The following CDYL variants were observed in gnomAD, a reference collection of about 807,000 sequenced individuals.
The protein encoded by CDYL is chromodomain Y like, also known as chromodomain Y-like protein.
Under a neutral mutation model 47.3 loss-of-function variants are expected in CDYL, and 8 were observed. The ratio of observed to expected loss-of-function variants is 0.17; its 90% CI spans 0.10 to 0.31. The LOEUF is 0.31. Among genes scored for constraint, CDYL ranks in the 10% least tolerant of loss-of-function variants. The pLI is 1.00. For missense variants in CDYL, 471 were observed against 701.4 expected (o/e 0.67, Z 3.71); for synonymous variants, 266 against 265.0 (o/e 1.00, Z -0.04).
rs1758797790 is a variant in CDYL, at chr6:4,954,123, C to T, written c.*67C>T. On this transcript the variant is annotated 3_prime_UTR_variant, in exon 7 of 7. Coordinates refer to ENST00000397588, the MANE Select transcript of CDYL (RefSeq NM_004824.4). ...AGGAGAACATCACCGGCTCCAGTTC[C>T]CCTGATCCATTCTCACAGCCTGAAA... is the stretch of plus-strand genomic sequence containing the variant. 6 of 1,518,216 alleles carry T rather than the reference C, an allele frequency of 4.0e-6. No homozygotes were observed. In the African/African-American group the frequency reaches 6.9e-5, roughly 17 times the overall value. The allele number at this position is 1,518,216 out of a possible 1,614,324, so 94.0% of individuals were successfully genotyped here.
chr6:4,716,289 G>C (rs900610039), intron 2 of CDYL, among the ~76,000 whole-genome samples: 57 of 150,820 alleles, frequency 3.8e-4, no homozygotes, highest in African/African-American at 6.8e-4. Context: ...GTCAGAAATT[G>C]TTCAACATAA....
Position 4,954,942 on chromosome 6 carries a change from A to G in CDYL, c.*886A>G. ...CAGTTTTGGTTTTCTGTTTGCAGAT[A>G]TGATTGATGTATTTCACCAAAATAA... On this transcript the variant is annotated 3_prime_UTR_variant, in exon 7 of 7. Transcript: ENST00000397588. 1 of 152,258 alleles carries G rather than the reference A, an allele frequency of 6.6e-6. No individual in the cohort carries two copies. Among genetic ancestry groups the G allele is most frequent in the East Asian group, 1.9e-4 (1 of 5,206 alleles). The allele number at this position is 152,258 out of a possible 1,614,324, so 9.4% of individuals were successfully genotyped here. A position where few individuals can be genotyped will look rare whatever the true frequency, so the allele number is the denominator to read the frequency against.
intron 1 of CDYL, among the ~76,000 whole-genome samples, chr6:4,837,309 AT>A (rs904678346): frequency 1.1e-4 from 16 of 152,030 alleles, no homozygotes; most frequent in Admixed American, 3.9e-4. Flanking sequence ...ATCTTTTGGA[AT>A]TTTTTTTGAC....
At chr6:4,936,007 C>A (rs916422054) in intron 3 of CDYL, among the ~76,000 whole-genome samples, 1 of 152,200 alleles carries the variant, frequency 6.6e-6, no homozygotes, top group Non-Finnish European at 1.5e-5. Flanking sequence ...TCCCCATTCT[C>A]CCGGGTGTGG....
At chr6:4,763,812 G>A (rs112909994) in intron 3 of CDYL, among the ~76,000 whole-genome samples, 6 of 152,056 alleles carry the variant, frequency 3.9e-5, no homozygotes, top group Non-Finnish European at 7.4e-5. Flanking sequence ...GCATGGTGGC[G>A]TGTGCCTATA....
At chr6:4,773,687 C>T (rs745835552), upstream of CDYL, among the ~76,000 whole-genome samples, 3 of 152,154 alleles carry the variant, frequency 2.0e-5, no homozygotes, top group Non-Finnish European at 4.4e-5. The surrounding 1 kb of genome is among the most constrained non-coding windows in gnomAD (Gnocchi z 4.6). Flanking sequence ...TTCTCAGTCG[C>T]TAGGTGGATA....
At chr6:4,807,887 A>G (rs1759417803) in intron 1 of CDYL, among the ~76,000 whole-genome samples, 1 of 152,002 alleles carries the variant, frequency 6.6e-6, no homozygotes, top group African/African-American at 2.4e-5. Context: ...GATTACAGGC[A>G]TGAGCCACCG....
At chr6:4,754,347 G>A (rs1019558033) in intron 3 of CDYL, among the ~76,000 whole-genome samples, 4 of 152,246 alleles carry the variant, frequency 2.6e-5, no homozygotes, top group African/African-American at 4.8e-5. Context: ...GAAGTTGGCC[G>A]ATTTTCATTT....
intron 5 of CDYL, among the ~76,000 whole-genome samples, chr6:4,946,999 A>T (rs884777): frequency 0.71 from 107,755 of 151,674 alleles, 40,671 homozygotes; most frequent in Non-Finnish European, 0.84. Flanking sequence ...CCAAATCAGT[A>T]TCGCAGGAGA....
At chr6:4,751,963 C>T (rs1209997349) in intron 3 of CDYL, among the ~76,000 whole-genome samples, 2 of 152,206 alleles carry the variant, frequency 1.3e-5, no homozygotes, top group Non-Finnish European at 2.9e-5. Context: ...GGCAAGGCCA[C>T]AGCTGCATGC....
At position 4,808,995 on chromosome 6, in the gene CDYL, A is replaced by G. The variant is rs1759448694; in HGVS notation, c.24+32188A>G. The stretch of plus-strand genomic sequence containing the variant: ...AAGCGTGAGAGCTGTGCACCAGGGT[A>G]TACACTCAGAAAAGCCTCCTCGTTC... On this transcript the variant is annotated intron_variant, in intron 1 of 6. Coordinates refer to ENST00000397588, the MANE Select transcript of CDYL (RefSeq NM_004824.4). 2.6e-5 allele frequency among the ~76,000 whole-genome samples: 4 copies of G among 152,122 alleles called. No homozygotes were observed. The South Asian group carries it at 8.3e-4, about 32-fold the overall frequency.
At chr6:4,794,506 G>A (rs76723242) in intron 1 of CDYL, among the ~76,000 whole-genome samples, 1,545 of 152,202 alleles carry the variant, frequency 0.01, 38 homozygotes, top group African/African-American at 0.035. Flanking sequence ...TGGGAGTGCC[G>A]GGCAGGCTCC....
intron 1 of CDYL, among the ~76,000 whole-genome samples, chr6:4,818,435 A>C (rs144248140): frequency 1.3e-5 from 2 of 152,306 alleles, no homozygotes; most frequent in South Asian, 4.1e-4. Flanking sequence ...GGTGTGAGGT[A>C]TGTACAGTGA....
At chr6:4,811,097 C>T (rs1367779795) in intron 1 of CDYL, among the ~76,000 whole-genome samples, 2 of 152,174 alleles carry the variant, frequency 1.3e-5, no homozygotes, top group African/African-American at 4.8e-5. Flanking sequence ...TCAGGTCTGA[C>T]AGAAGTTTTT....
rs1361577349 is a variant in CDYL, at chr6:4,952,983, G to T, written c.1476+574G>T. Among the ~76,000 whole-genome samples the T allele has an allele frequency of 2.6e-5, 4 of 151,992 alleles. No homozygotes were observed. In the East Asian group the frequency reaches 5.9e-4, roughly 22 times the overall value. Reference sequence around the variant, plus strand: ...GAGTCTCACCACGTTGGCCAGGCTGGTCTCGAACTCCTGACCTCAAGTTGA... The same window carrying T: ...GAGTCTCACCACGTTGGCCAGGCTGTTCTCGAACTCCTGACCTCAAGTTGA... On this transcript the variant is annotated intron_variant, in intron 6 of 6. Transcript: ENST00000397588.
At chr6:4,789,494 C>T (rs1168225641) in intron 1 of CDYL, among the ~76,000 whole-genome samples, 4 of 152,132 alleles carry the variant, frequency 2.6e-5, no homozygotes, top group Non-Finnish European at 5.9e-5. Flanking sequence ...CTGGCAGCCT[C>T]CCCGCCCTAG....
chr6:4,850,345 T>C (rs1389791494), intron 1 of CDYL, among the ~76,000 whole-genome samples: 1 of 152,230 alleles, frequency 6.6e-6, no homozygotes, highest in Non-Finnish European at 1.5e-5. Flanking sequence ...ACCGTTGCTG[T>C]GTATTTTATC....
intron 2 of CDYL, among the ~76,000 whole-genome samples, chr6:4,929,758 C>T (rs886334315): frequency 6.6e-6 from 1 of 152,136 alleles, no homozygotes; most frequent in Non-Finnish European, 1.5e-5. Context: ...AATGCTTGAG[C>T]ACATTGAGAT....
chr6:4,847,664 TCA>T (rs1304543691), intron 1 of CDYL, among the ~76,000 whole-genome samples: 2 of 152,358 alleles, frequency 1.3e-5, no homozygotes, highest in African/African-American at 4.8e-5. Context: ...CTTTAAAACT[TCA>T]GTTTTCTCCA....
Sources: gnomAD v4.1 joint callset for allele counts (sites outside exome capture counted in the v4.1 genomes callset) on GRCh38, gnomAD v4.1.1 for gene constraint, Gnocchi (gnomAD v3.1) non-coding constraint, MANE v1.5 for transcripts, NCBI Gene and HGNC (gene_info 2026-07-23, HGNC 2026-07-21) for gene names.